PREX1: variants seen among roughly 807,000 people sequenced by gnomAD.
PREX1 encodes the protein phosphatidylinositol-3,4,5-trisphosphate dependent Rac exchange factor 1.
Under a neutral mutation model 198.3 loss-of-function variants are expected in PREX1, and 41 were observed. That is an observed-to-expected ratio of 0.21 (90% CI 0.16 to 0.27). The LOEUF is 0.27. Ranked by LOEUF, PREX1 falls within the 10% of genes least tolerant of loss-of-function variation. The pLI, the probability that PREX1 is intolerant of heterozygous loss-of-function variation, is 1.00. For synonymous variants in PREX1, 843 were observed against 887.2 expected (o/e 0.95, Z 0.89); for missense variants, 1,620 against 2,200.7 (o/e 0.74, Z 5.28).
intron 18 of PREX1, among the ~76,000 whole-genome samples, chr20:48,656,749 T>C (rs566269314): frequency 2.9e-4 from 44 of 152,330 alleles, no homozygotes; most frequent in Non-Finnish European, 5.4e-4. Flanking sequence ...TACTTCTGTA[T>C]CTGCACATTG....
chr20:48,843,225 G>C, the PREX1 span, among the ~76,000 whole-genome samples: 1 of 152,146 alleles, frequency 6.6e-6, no homozygotes, highest in Non-Finnish European at 1.5e-5. Context: ...GAATATATTG[G>C]GTCATCTAAG....
intron 1 of PREX1, among the ~76,000 whole-genome samples, chr20:48,821,217 G>A (rs979806361): frequency 6.6e-6 from 1 of 152,084 alleles, no homozygotes; most frequent in Non-Finnish European, 1.5e-5. Context: ...AAAACGGGGG[G>A]ATTTTTGATC....
chr20:48,788,575 C>CG (rs2090323551), intron 1 of PREX1, among the ~76,000 whole-genome samples: 1 of 152,238 alleles, frequency 6.6e-6, no homozygotes, highest in Non-Finnish European at 1.5e-5. Context: ...AGATCAAACT[C>CG]TACCTGAAGC....
chr20:48,713,194 G>A (rs1036423564), intron 5 of PREX1, among the ~76,000 whole-genome samples: 1 of 152,016 alleles, frequency 6.6e-6, no homozygotes, highest in South Asian at 2.1e-4. Context: ...GCTCACGCCT[G>A]TGATCCCAGC....
At chr20:48,807,844 A>G (rs2090418657) in intron 1 of PREX1, among the ~76,000 whole-genome samples, 1 of 152,102 alleles carries the variant, frequency 6.6e-6, no homozygotes, top group African/African-American at 2.4e-5. Context: ...ACACAGTTCC[A>G]AAAAACACTG....
rs1212254165 is a variant in PREX1 at position 48,827,754 on chromosome 20, G to C, written c.107C>G (p.Pro36Arg). 1 of 1,225,624 alleles carries C rather than the reference G, an allele frequency of 8.2e-7. No individual in the cohort carries two copies. The highest frequency in any genetic ancestry group is 1.6e-5 in the African/African-American group (1 of 62,638). 75.9% of individuals were successfully genotyped at this position (1,225,624 alleles called of 1,614,324 possible). A position where few individuals can be genotyped will look rare whatever the true frequency, so the allele number is the denominator to read the frequency against. Residue 36 changes from proline (P) to arginine (R), a missense_variant, in exon 1 of 40, where the codon CCG (proline) becomes CGG (arginine). By Grantham distance (103) the Pro-to-Arg change is moderately radical (BLOSUM62 -2). This residue lies in a region of PREX1 where 96 missense variants were observed against 98.7 expected (regional missense o/e 0.97). Transcript: ENST00000371941. This position sits in a 1 kb window ranked among gnomAD's most constrained non-coding sequence, Gnocchi z 4.1. ...CTCGGACTCCCGGGCGGCCGCGCACGGGCCGGGGCCGGAGCTGGGCGCCGC... is the reference window on the plus strand; with the variant it reads ...CTCGGACTCCCGGGCGGCCGCGCACCGGCCGGGGCCGGAGCTGGGCGCCGC... The part of the protein sequence containing the change: ...GAAAPSSGPG[P>R]CAAARESERQ...
intron 16 of PREX1, among the ~76,000 whole-genome samples, chr20:48,659,331 G>C (rs191797660): frequency 2.3e-4 from 34 of 149,334 alleles, no homozygotes; most frequent in African/African-American, 7.9e-4. Flanking sequence ...GAGAGAGGAA[G>C]GAAGGAGGAA....
chr20:48,650,198 G>A lies in PREX1; in HGVS notation c.2826C>T (p.Ala942=). 5 of 1,612,194 alleles carry A rather than the reference G, an allele frequency of 3.1e-6. No individual in the cohort carries two copies. The highest frequency in any genetic ancestry group is 3.4e-6 in the Non-Finnish European group (4 of 1,178,984). The part of the protein sequence containing the change: ...QRIACYQEFA[A]QLKSRVSPPF... ...GTGGGCTGACCCTGCTCTTCAGTTGGGCTGCAAACTGAGAAAGTGGAGGCC... is the reference window on the plus strand; with the variant it reads ...GTGGGCTGACCCTGCTCTTCAGTTGAGCTGCAAACTGAGAAAGTGGAGGCC... Residue 942 remains alanine (A), a synonymous_variant, in exon 24 of 40, where the codon GCC becomes GCT. Coordinates refer to ENST00000371941, the MANE Select transcript of PREX1 (RefSeq NM_020820.4).
intron 13 of PREX1, among the ~76,000 whole-genome samples, chr20:48,678,112 G>C (rs576488389): frequency 6.6e-6 from 1 of 152,142 alleles, no homozygotes; most frequent in African/African-American, 2.4e-5. Flanking sequence ...TCAGGAGTTC[G>C]AGCCCAGCCT....
intron 1 of PREX1, among the ~76,000 whole-genome samples, chr20:48,788,419 T>C (rs2090322895): frequency 6.6e-6 from 1 of 152,104 alleles, no homozygotes; most frequent in Admixed American, 6.6e-5. Flanking sequence ...CTGAGGATGA[T>C]GGCAGGCTTC....
chr20:48,696,608 CATACAT>C (rs918900025), intron 7 of PREX1, among the ~76,000 whole-genome samples: 5 of 46,932 alleles, frequency 1.1e-4, no homozygotes, highest in South Asian at 9.9e-4. Context: ...CACACACACA[CATACAT>C]ACATACATAC....
At chr20:48,837,138 T>A in the PREX1 span, among the ~76,000 whole-genome samples, 1 of 152,030 alleles carries the variant, frequency 6.6e-6, no homozygotes. Flanking sequence ...CTCACACTAA[T>A]CAGAATGACT....
chr20:48,668,455 G>A (rs1568814809), intron 14 of PREX1, among the ~76,000 whole-genome samples: 1 of 152,180 alleles, frequency 6.6e-6, no homozygotes, highest in Non-Finnish European at 1.5e-5. Flanking sequence ...TTGCAGCCAG[G>A]TCAATGAGCT....
chr20:48,809,160 G>T (rs967703721), intron 1 of PREX1, among the ~76,000 whole-genome samples: 1 of 152,222 alleles, frequency 6.6e-6, no homozygotes, highest in Non-Finnish European at 1.5e-5. Context: ...ACATCCACAG[G>T]GAGAGCTGGA....
chr20:48,666,197 C>G lies in PREX1; in HGVS notation c.1738+86G>C. On this transcript the variant is annotated intron_variant, in intron 15 of 39. Coordinates refer to ENST00000371941, the MANE Select transcript of PREX1 (RefSeq NM_020820.4). The surrounding 1 kb of genome is among the most constrained non-coding windows in gnomAD (Gnocchi z 4.3). ...CCCGGGGGTCTAGAGAGCCACAGAC[C>G]TGGCTTCAGTCCTCCCATACTCCCC... 1 of 1,372,568 alleles carries G rather than the reference C, an allele frequency of 7.3e-7. No individual in the cohort carries two copies. The highest frequency in any genetic ancestry group is 1.0e-6 in the Non-Finnish European group (1 of 998,040). The allele number at this position is 1,372,568 out of a possible 1,614,324, so 85.0% of individuals were successfully genotyped here. A position where few individuals can be genotyped will look rare whatever the true frequency, so the allele number is the denominator to read the frequency against.
Position 48,682,359 on chromosome 20 carries a change from G to T in PREX1, c.1335-1024C>A, listed in dbSNP as rs565390870. Among the ~76,000 whole-genome samples the T allele has an allele frequency of 2.0e-5, 3 of 152,242 alleles. No homozygotes were observed. In the East Asian group the frequency reaches 5.8e-4, roughly 29 times the overall value. ...CCTATCCAATCCATCACATCTCTGTGTTGCTTCCTTTTTTGCACTTTTCAC... is the reference window on the plus strand; with the variant it reads ...CCTATCCAATCCATCACATCTCTGTTTTGCTTCCTTTTTTGCACTTTTCAC... On this transcript the variant is annotated intron_variant, in intron 10 of 39. Coordinates refer to ENST00000371941, the MANE Select transcript of PREX1 (RefSeq NM_020820.4).
At chr20:48,672,522 G>A (rs546360464) in intron 14 of PREX1, among the ~76,000 whole-genome samples, 3 of 152,346 alleles carry the variant, frequency 2.0e-5, no homozygotes, top group East Asian at 1.9e-4. Context: ...ACTCCGAGCC[G>A]GGCAGGGGTC....
rs111654927 is a variant in PREX1, at chr20:48,632,347, C to A, written c.4456G>T (p.Ala1486Ser). The change falls in exon 35 of 40, where the codon GCG becomes TCG. Residue 1486 changes from alanine to serine, a missense_variant. Transcript: ENST00000371941. ...EGLPSPGSQA[A>S]EDLQQDINAQ... ...TTGATGTCCTGCTGCAAATCCTCCG[C>A]GGCCTGGCTGCCTGGAGAAGGCAGC... The A allele has an allele frequency of 6.4e-3, 10,256 of 1,614,038 alleles. 30 individuals carry two copies. The highest frequency in any genetic ancestry group is 7.5e-3 in the Non-Finnish European group (8,822 of 1,180,014).
At chr20:48,801,792 G>A (rs1056140764) in intron 1 of PREX1, among the ~76,000 whole-genome samples, 2 of 152,220 alleles carry the variant, frequency 1.3e-5, no homozygotes, top group Non-Finnish European at 2.9e-5. Context: ...CATGGGAGGT[G>A]TTTGAGTCAT....
Sources: allele counts gnomAD v4.1 joint callset (sites outside exome capture counted in the v4.1 genomes callset), GRCh38; gene constraint gnomAD v4.1.1; regional missense constraint gnomAD v4.1.1; non-coding constraint Gnocchi (gnomAD v3.1); transcripts MANE v1.5; gene names NCBI Gene and HGNC (gene_info 2026-07-23, HGNC 2026-07-21).